Variants in NDRG1 observed in about 807,000 individuals in gnomAD.
NDRG1 encodes protein NDRG1.
NDRG1 carries 32 observed loss-of-function variants against 56.9 expected under a neutral mutation model. That is an observed-to-expected ratio of 0.56 (90% confidence interval 0.42 to 0.76). The LOEUF (loss-of-function observed/expected upper bound fraction) is 0.76, where lower values mean the gene tolerates loss of function less well. NDRG1 is among the 30% of genes least tolerant of loss of function. The pLI is 0.00. For synonymous variants in NDRG1, 211 were observed against 204.1 expected, an observed-to-expected ratio of 1.03 and a Z score of -0.29; for missense variants, 507 against 545.7, an observed-to-expected ratio of 0.93 and a Z score of 0.71.
intron 14 of NDRG1, 78 bp downstream of exon 14, chr8:133,244,277 C>T (rs1197356038): frequency 1.3e-6 from 2 of 1,517,534 alleles, no homozygotes; most frequent in Admixed American, 1.7e-5. Context: ...AATGAGGGAA[C>T]AGGTGTCACA....
At chr8:133,291,413 C>T (rs550766532) in intron 1 of NDRG1, among the ~76,000 whole-genome samples, 1 of 152,298 alleles carries the variant, frequency 6.6e-6, no homozygotes, top group South Asian at 2.1e-4. Flanking sequence ...ACTGTGGATA[C>T]AATCCTTTGT....
chr8:133,290,570 T>C (rs1303323076), intron 1 of NDRG1, among the ~76,000 whole-genome samples: 1 of 152,106 alleles, frequency 6.6e-6, no homozygotes, highest in African/African-American at 2.4e-5. Flanking sequence ...GCCCTAAATA[T>C]ATCCACAGTC....
At chr8:133,251,944 A>G (rs1363334175) in intron 9 of NDRG1, among the ~76,000 whole-genome samples, 2 of 152,228 alleles carry the variant, frequency 1.3e-5, no homozygotes, top group African/African-American at 4.8e-5. Context: ...GAGTGGTGTG[A>G]GCAGCCACTA....
chr8:133,246,722 C>T, intron 12 of NDRG1, 59 bp from the exon 13 acceptor site: 2 of 1,483,228 alleles, frequency 1.3e-6, no homozygotes, highest in Non-Finnish European at 1.9e-6. Context: ...CAAAACATCT[C>T]CCCCTTCTCC....
intron 2 of NDRG1, among the ~76,000 whole-genome samples, chr8:133,281,389 C>T (rs1857793528): frequency 6.6e-6 from 1 of 151,930 alleles, no homozygotes; most frequent in Non-Finnish European, 1.5e-5. Flanking sequence ...GAGTTTCAGC[C>T]CAAATTCTAT....
intron 13 of NDRG1, 160 bp from the exon 14 acceptor site, chr8:133,244,550 C>T: frequency 1.3e-6 from 1 of 783,326 alleles, no homozygotes; most frequent in South Asian, 1.5e-5. Flanking sequence ...GGGAACACTC[C>T]AGCCCCACCA....
At chr8:133,273,580 A>G (rs1857301984) in intron 3 of NDRG1, among the ~76,000 whole-genome samples, 1 of 152,234 alleles carries the variant, frequency 6.6e-6, no homozygotes, top group African/African-American at 2.4e-5. Context: ...TCTGACGTAC[A>G]GCAGAGCTCA....
chr8:133,288,074 CACAA>C (rs953594541), intron 1 of NDRG1, among the ~76,000 whole-genome samples: 5 of 152,216 alleles, frequency 3.3e-5, no homozygotes, highest in African/African-American at 2.4e-5. Flanking sequence ...CATACATTCT[CACAA>C]ACACACTCAT....
intron 2 of NDRG1, 110 bp downstream of exon 2, chr8:133,284,139 T>C: frequency 3.1e-6 from 3 of 966,652 alleles, no homozygotes; most frequent in Non-Finnish European, 5.0e-6. Flanking sequence ...TACATGTGTA[T>C]TTGTGCAGTG....
intron 9 of NDRG1, among the ~76,000 whole-genome samples, chr8:133,251,766 C>A (rs1393616925): frequency 1.3e-5 from 2 of 152,120 alleles, no homozygotes; most frequent in Non-Finnish European, 2.9e-5. Context: ...TGCAAACTTG[C>A]TGGGAAAAAG....
At chr8:133,284,425 C>T (rs577744227) in intron 1 of NDRG1, 96 bp from the exon 2 acceptor site, 33 of 1,098,200 alleles carry the variant, frequency 3.0e-5, no homozygotes, top group African/African-American at 2.8e-4. Context: ...GCCAGGCCTG[C>T]GCTCTGCCCA....
chr8:133,250,521 TCCA>T lies in NDRG1; in HGVS notation c.614_616del (p.Val205del). The T allele has an allele frequency of 6.2e-7, 1 of 1,614,042 alleles. No individual in the cohort carries two copies. Among genetic ancestry groups the T allele is most frequent in the South Asian group, 1.1e-5 (1 of 91,080 alleles). On this transcript the variant is annotated inframe_deletion, in exon 10 of 16. Transcript: ENST00000323851. ...GTGCTGGCGGTAGGTGTGGACCACT[TCCA>T]CGTTACTCTGCATTTCTTCCTGCAT...
chr8:133,284,982 A>G (rs1249375034), intron 1 of NDRG1: 5 of 389,062 alleles, frequency 1.3e-5, no homozygotes, highest in Non-Finnish European at 1.6e-5. Flanking sequence ...GTAAGAAAAA[A>G]GACCTCCAAG....
At chr8:133,255,546 G>A (rs1396682039) in intron 8 of NDRG1, 3 of 339,040 alleles carry the variant, frequency 8.8e-6, no homozygotes, top group African/African-American at 6.5e-5. Flanking sequence ...CAGCTATCAT[G>A]AAGCCCAGCG....
intron 3 of NDRG1, among the ~76,000 whole-genome samples, chr8:133,278,964 C>T (rs1233435937): frequency 2.0e-5 from 3 of 150,612 alleles, no homozygotes; most frequent in Non-Finnish European, 4.4e-5. Context: ...GGTCTCAGCT[C>T]ACTGCAACCT....
chr8:133,249,662 A>G (rs1855902384), intron 10 of NDRG1, among the ~76,000 whole-genome samples: 1 of 152,180 alleles, frequency 6.6e-6, no homozygotes, highest in Non-Finnish European at 1.5e-5. Flanking sequence ...AGTGTTTACT[A>G]AGTGAACCGC....
chr8:133,270,503 T>C (rs1028194287), intron 3 of NDRG1, among the ~76,000 whole-genome samples: 7 of 149,834 alleles, frequency 4.7e-5, no homozygotes, highest in African/African-American at 1.7e-4. Context: ...GCCAATGAAA[T>C]GCCAGCAGAA....
intron 15 of NDRG1, chr8:133,240,888 AC>A (rs1327043248): frequency 1.3e-5 from 2 of 152,186 alleles, no homozygotes; most frequent in Non-Finnish European, 2.9e-5. Context: ...TCCAATGACA[AC>A]CTTTGCCTGC....
At chr8:133,252,757 T>C (rs1336863587) in intron 9 of NDRG1, among the ~76,000 whole-genome samples, 3 of 148,396 alleles carry the variant, frequency 2.0e-5, no homozygotes, top group African/African-American at 7.6e-5. Flanking sequence ...TCTGTTTCCC[T>C]CGTACACTCA....
Sources: allele counts gnomAD v4.1 joint callset (sites outside exome capture counted in the v4.1 genomes callset), GRCh38; gene constraint gnomAD v4.1.1; transcripts MANE v1.5; gene names NCBI Gene and HGNC (gene_info 2026-07-23, HGNC 2026-07-21).